NCKAP5: variants seen among roughly 807,000 people sequenced by gnomAD.
NCKAP5 encodes the protein NCK associated protein 5.
In NCKAP5, 92 loss-of-function variants were observed where a neutral mutation model predicts 167.0. The observed-to-expected ratio is 0.55, with a 90% confidence interval of 0.47 to 0.66. NCKAP5 has a LOEUF of 0.66. Among genes scored for constraint, NCKAP5 ranks in the 30% least tolerant of loss-of-function variants. The pLI is 0.00. For missense variants in NCKAP5, 2,378 were observed against 2,315.0 expected, an observed-to-expected ratio of 1.03 and a Z score of -0.56; for synonymous variants, 891 against 877.4, an observed-to-expected ratio of 1.02 and a Z score of -0.27.
In NCKAP5 at chr2:132,860,550, C is replaced by T. The variant is rs58963837; in HGVS notation, c.749G>A (p.Arg250Gln). 68 of 1,588,214 alleles carry T rather than the reference C, an allele frequency of 4.3e-5. No homozygotes were observed. The African/African-American group carries it at 7.4e-4, about 17-fold the overall frequency. Residue 250 changes from arginine (R) to glutamine (Q), a missense_variant, in exon 11 of 20, where the codon CGA (arginine) becomes CAA (glutamine). This residue lies in a region of NCKAP5 where 1,049 missense variants were observed against 1,023.4 expected (regional missense o/e 1.02). Coordinates refer to ENST00000409261, the MANE Select transcript of NCKAP5 (RefSeq NM_207363.3). ...TRVFDLEQQN[R>Q]TLSILFQQRV... ...CTGTTGGAATAGGATGCTTAGTGTT[C>T]GATTCTGCTGTTCCAAATCAAACAC...
chr2:133,095,084 C>A (rs2081304677), intron 6 of NCKAP5, among the ~76,000 whole-genome samples: 1 of 152,066 alleles, frequency 6.6e-6, no homozygotes, highest in African/African-American at 2.4e-5. Context: ...AGAAGAGAAC[C>A]CAGGTGAGCC....
intron 3 of NCKAP5, among the ~76,000 whole-genome samples, chr2:133,324,679 T>C (rs1053693845): frequency 6.6e-6 from 1 of 152,194 alleles, no homozygotes; most frequent in Non-Finnish European, 1.5e-5. Flanking sequence ...AGAAAATATA[T>C]ATATACATTC....
At chr2:133,403,856 G>A (rs982266783) in intron 3 of NCKAP5, among the ~76,000 whole-genome samples, 1 of 152,070 alleles carries the variant, frequency 6.6e-6, no homozygotes, top group Non-Finnish European at 1.5e-5. Flanking sequence ...TAATCAGTGG[G>A]GTTCCCATAA....
chr2:132,702,677 TTCA>T (rs1465829348), intron 19 of NCKAP5, among the ~76,000 whole-genome samples: 1 of 152,142 alleles, frequency 6.6e-6, no homozygotes, highest in Non-Finnish European at 1.5e-5. Context: ...TCTGTTTTTC[TTCA>T]TCATTTCTTC....
intron 11 of NCKAP5, among the ~76,000 whole-genome samples, chr2:132,859,649 G>C (rs1193195095): frequency 6.6e-6 from 1 of 152,196 alleles, no homozygotes; most frequent in Non-Finnish European, 1.5e-5. Flanking sequence ...CAGCCAATTA[G>C]ACCACGCAGT....
intron 19 of NCKAP5, among the ~76,000 whole-genome samples, chr2:132,699,500 C>T (rs1404131536): frequency 6.6e-6 from 1 of 151,834 alleles, no homozygotes; most frequent in East Asian, 1.9e-4. Flanking sequence ...CCACGACAGG[C>T]CCTGGTGTGT....
chr2:133,373,401 T>C (rs144210860), intron 3 of NCKAP5, among the ~76,000 whole-genome samples: 7 of 152,186 alleles, frequency 4.6e-5, no homozygotes, highest in Non-Finnish European at 8.8e-5. Context: ...ACAACTCTGA[T>C]GAAAAAAATC....
intron 6 of NCKAP5, among the ~76,000 whole-genome samples, chr2:133,062,547 A>C (rs938899590): frequency 6.6e-6 from 1 of 152,262 alleles, no homozygotes; most frequent in Non-Finnish European, 1.5e-5. Context: ...CAATTGAGCT[A>C]CTCAATAGTT....
the NCKAP5 span, among the ~76,000 whole-genome samples, chr2:133,622,603 A>G: frequency 1.1e-4 from 17 of 152,328 alleles, no homozygotes; most frequent in African/African-American, 4.1e-4. Context: ...TTAACCAAGG[A>G]TGTGAAAGAC....
the NCKAP5 span, among the ~76,000 whole-genome samples, chr2:133,614,360 G>A: frequency 2.6e-5 from 4 of 152,132 alleles, no homozygotes; most frequent in African/African-American, 9.7e-5. Context: ...CGAGCTACGG[G>A]ATGAAATTCA....
chr2:133,064,536 G>T lies in NCKAP5; in HGVS notation c.341+65442C>A, dbSNP rs77539111. Among the ~76,000 whole-genome samples, 14 of 152,126 alleles carry T rather than the reference G, an allele frequency of 9.2e-5. No individual in the cohort carries two copies. In the East Asian group the frequency reaches 2.7e-3, roughly 29 times the overall value. On this transcript the variant is annotated intron_variant, in intron 6 of 19. Coordinates refer to ENST00000409261, the MANE Select transcript of NCKAP5 (RefSeq NM_207363.3). ...AGAAAAAGTGTTAAAGAGCTTTCTT[G>T]TACTGCAGCAAAAGCATTTCAAAGA... is the stretch of plus-strand genomic sequence containing the variant.
the NCKAP5 span, among the ~76,000 whole-genome samples, chr2:133,591,616 C>T: frequency 1.5e-4 from 23 of 152,256 alleles, no homozygotes; most frequent in Non-Finnish European, 2.2e-4. Context: ...AAATGGAAAG[C>T]GCTTGGGCGG....
chr2:133,130,199 TTA>T, intron 5 of NCKAP5, 88 bp from the exon 6 acceptor site: 1 of 1,403,008 alleles, frequency 7.1e-7, no homozygotes. Flanking sequence ...AACTTGAGCT[TTA>T]TATATATGAA....
At chr2:132,930,800 G>A (rs983280010) in intron 8 of NCKAP5, 1 of 152,310 alleles carries the variant, frequency 6.6e-6, no homozygotes, top group East Asian at 1.9e-4. Context: ...GAAGTAACAG[G>A]TAATAACAAT....
intron 5 of NCKAP5, among the ~76,000 whole-genome samples, chr2:133,140,947 A>G (rs1057118441): frequency 6.6e-6 from 1 of 152,048 alleles, no homozygotes; most frequent in Non-Finnish European, 1.5e-5. Context: ...CACAGTCACA[A>G]AACCCCATAG....
the NCKAP5 span, among the ~76,000 whole-genome samples, chr2:133,671,230 A>AG: frequency 6.6e-6 from 1 of 151,464 alleles, no homozygotes; most frequent in African/African-American, 2.4e-5. Context: ...AAAAAAAAAA[A>AG]AAAAAAAAAG....
intron 4 of NCKAP5, among the ~76,000 whole-genome samples, chr2:133,287,894 G>C (rs13002346): frequency 0.1 from 15,621 of 152,112 alleles, 1,076 homozygotes; most frequent in Middle Eastern, 0.19. Flanking sequence ...AGGTTAGTAG[G>C]GACGTGTGTG....
intron 3 of NCKAP5, among the ~76,000 whole-genome samples, chr2:133,409,950 A>G (rs976053142): frequency 6.6e-6 from 1 of 152,240 alleles, no homozygotes; most frequent in Non-Finnish European, 1.5e-5. Flanking sequence ...ATGTCCTAAC[A>G]GAACTAATGA....
chr2:133,307,783 G>C (rs1026488194), intron 3 of NCKAP5, among the ~76,000 whole-genome samples: 1 of 152,076 alleles, frequency 6.6e-6, no homozygotes, highest in Non-Finnish European at 1.5e-5. Context: ...CTGTGTGCAG[G>C]TAAGTATATG....
Sources: allele counts gnomAD v4.1 joint callset (sites outside exome capture counted in the v4.1 genomes callset), GRCh38; gene constraint gnomAD v4.1.1; regional missense constraint gnomAD v4.1.1; transcripts MANE v1.5; gene names NCBI Gene and HGNC (gene_info 2026-07-23, HGNC 2026-07-21).